The following NCOA6 variants were observed in gnomAD, a reference collection of about 807,000 sequenced individuals.
The protein encoded by NCOA6 is nuclear receptor coactivator 6.
In NCOA6, 49 loss-of-function variants were observed where a neutral mutation model predicts 171.4. The ratio of observed to expected loss-of-function variants is 0.29; its 90% CI spans 0.23 to 0.36. The LOEUF (loss-of-function observed/expected upper bound fraction) is 0.36. Ranked by LOEUF, NCOA6 falls within the 10% of genes least tolerant of loss-of-function variation. The probability of loss-of-function intolerance (pLI) is 1.00; values close to 1 mark genes in which losing one functional copy is unlikely to be tolerated. For synonymous variants in NCOA6, 910 were observed against 927.5 expected (o/e 0.98, Z 0.34); for missense variants, 2,248 against 2,554.5 (o/e 0.88, Z 2.59).
intron 1 of NCOA6, chr20:34,821,334 T>C (rs1482070756): frequency 1.3e-5 from 2 of 152,220 alleles, no homozygotes; most frequent in Non-Finnish European, 2.9e-5. Context: ...CAAAAACAGA[T>C]CGTGGGCCAG....
chr20:34,719,998 C>T (rs895673454), intron 14 of NCOA6, among the ~76,000 whole-genome samples: 1 of 152,200 alleles, frequency 6.6e-6, no homozygotes, highest in Non-Finnish European at 1.5e-5. Flanking sequence ...CTATCACCTA[C>T]TTTGTTGTCA....
At chr20:34,769,525 A>G (rs1273469319) in intron 4 of NCOA6, among the ~76,000 whole-genome samples, 1 of 151,884 alleles carries the variant, frequency 6.6e-6, no homozygotes, top group Non-Finnish European at 1.5e-5. Context: ...CACCACGCCC[A>G]GCTAATTTTT....
At chr20:34,806,961 T>C (rs1483243235) in intron 1 of NCOA6, among the ~76,000 whole-genome samples, 1 of 152,204 alleles carries the variant, frequency 6.6e-6, no homozygotes, top group Non-Finnish European at 1.5e-5. Flanking sequence ...ACTTGTAAAA[T>C]GGCCACCAAT....
intron 11 of NCOA6, among the ~76,000 whole-genome samples, chr20:34,738,653 A>AATT (rs1355491592): frequency 6.6e-6 from 1 of 152,226 alleles, no homozygotes; most frequent in East Asian, 1.9e-4. Context: ...AGAGAAGGGG[A>AATT]ATTAACCTTT....
chr20:34,825,432 C>A (rs1470200267), intron 1 of NCOA6, 40 bp downstream of exon 1: 4 of 149,344 alleles, frequency 2.7e-5, no homozygotes, highest in African/African-American at 9.7e-5. Context: ...GGACGCCCGG[C>A]GGGCCCACCC....
At chr20:34,743,411 A>T in intron 10 of NCOA6, 70 bp from the exon 11 acceptor site, 1 of 1,480,578 alleles carries the variant, frequency 6.8e-7, no homozygotes, top group Non-Finnish European at 9.1e-7. Flanking sequence ...TTTAGAGTAT[A>T]GCCAAGCAAT....
At chr20:34,819,238 A>G (rs1305282000) in intron 1 of NCOA6, 1 of 152,202 alleles carries the variant, frequency 6.6e-6, no homozygotes, top group African/African-American at 2.4e-5. Flanking sequence ...CTGCAGGGCC[A>G]TAAAAATAAA....
intron 1 of NCOA6, among the ~76,000 whole-genome samples, chr20:34,808,479 CT>C (rs2078537821): frequency 7.3e-6 from 1 of 137,406 alleles, no homozygotes; most frequent in South Asian, 2.3e-4. Flanking sequence ...GCTCTTGTTG[CT>C]CAGGCTGGAG....
chr20:34,756,794 T>A lies in NCOA6; in HGVS notation c.1528+426A>T, dbSNP rs531046652. Among the ~76,000 whole-genome samples, 6 of 152,362 alleles carry A rather than the reference T, an allele frequency of 3.9e-5. No individual in the cohort carries two copies. In the South Asian group the frequency reaches 1.2e-3, roughly 32 times the overall value. On this transcript the variant is annotated intron_variant, in intron 7 of 14. Coordinates refer to ENST00000359003, the MANE Select transcript of NCOA6 (RefSeq NM_014071.5). ...TGCTTACTATTTTATTAACTAGGAT[T>A]ATCAAAATTGATAACTAAAAGGGCC... is the stretch of plus-strand genomic sequence containing the variant.
At chr20:34,803,667 A>G (rs77258590) in intron 1 of NCOA6, among the ~76,000 whole-genome samples, 1 of 152,212 alleles carries the variant, frequency 6.6e-6, no homozygotes, top group Admixed American at 6.5e-5. Flanking sequence ...ACCTAATGAA[A>G]TAACTGATTT....
chr20:34,816,470 G>C (rs145395883), intron 1 of NCOA6, among the ~76,000 whole-genome samples: 3 of 152,288 alleles, frequency 2.0e-5, no homozygotes, highest in East Asian at 1.9e-4. Context: ...CAAAGATGGA[G>C]TGATGCAGCT....
intron 1 of NCOA6, among the ~76,000 whole-genome samples, chr20:34,795,977 T>C (rs957779294): frequency 1.2e-4 from 18 of 151,970 alleles, no homozygotes; most frequent in Admixed American, 3.9e-4. Context: ...CATGGTATTA[T>C]TGTTTCAACT....
chr20:34,763,826 G>C lies in NCOA6; in HGVS notation c.514+4638C>G, dbSNP rs575009738. Among the ~76,000 whole-genome samples the C allele has an allele frequency of 3.9e-5, 6 of 152,186 alleles. No homozygotes were observed. In the East Asian group the frequency reaches 1.2e-3, roughly 29 times the overall value. On this transcript the variant is annotated intron_variant, in intron 5 of 14. Coordinates refer to ENST00000359003, the MANE Select transcript of NCOA6 (RefSeq NM_014071.5). ...CATTAATTTCCCTATGCCAGAGAGT[G>C]ACATTTTCCTAATCTATCTTTCACT...
rs1450774153 is a variant in NCOA6, at chr20:34,742,805, G to A, written c.3451C>T (p.Pro1151Ser). 1 of 1,614,046 alleles carries A rather than the reference G, an allele frequency of 6.2e-7. No individual in the cohort carries two copies. The highest frequency in any genetic ancestry group is 1.3e-5 in the African/African-American group (1 of 74,906). ...TTCTGGGGAAGTACTACATGTGAAGGCATGTTGTTTGGGCCTCCTGGGACA... is the reference window on the plus strand; with the variant it reads ...TTCTGGGGAAGTACTACATGTGAAGACATGTTGTTTGGGCCTCCTGGGACA... ...PSVPGGPNNM[P>S]SHVVLPQNQL... Residue 1151 changes from proline (P) to serine (S), a missense_variant, in exon 11 of 15, where the codon CCT becomes TCT. Coordinates refer to ENST00000359003, the MANE Select transcript of NCOA6 (RefSeq NM_014071.5).
In NCOA6 at chr20:34,757,876, G is replaced by C; in HGVS notation, c.872C>G (p.Pro291Arg). The change falls in exon 7 of 15, where the codon CCA (proline) becomes CGA (arginine). Residue 291 changes from proline to arginine, a missense_variant. Transcript: ENST00000359003. Reference sequence around the variant, plus strand: ...TGGCTGTTGCTGCTGATGTTGCTGTGGGGGTCTTGCCTGCAACTGTTGTTG... The same window carrying C: ...TGGCTGTTGCTGCTGATGTTGCTGTCGGGGTCTTGCCTGCAACTGTTGTTG... ...QQQQQLQARP[P>R]QQHQQQQPQG... 1 of 1,613,920 alleles carries C rather than the reference G, an allele frequency of 6.2e-7. No individual in the cohort carries two copies. The highest frequency in any genetic ancestry group is 8.5e-7 in the Non-Finnish European group (1 of 1,179,974).
rs754825428 is a variant in NCOA6 at position 34,750,021 on chromosome 20, T to G, written c.2174A>C (p.Lys725Thr). 6.2e-7 allele frequency: 1 copy of G among 1,614,148 alleles called. No homozygotes were observed. Among genetic ancestry groups the G allele is most frequent in the Non-Finnish European group, 8.5e-7 (1 of 1,180,058 alleles). ...QIMTNQMQGN[K>T]QQFNTQNQSN... Reference sequence around the variant, plus strand: ...CTGGTTCTGAGTGTTAAACTGCTGCTTATTCCCCTGCATTTGATTGGTCAT... The same window carrying G: ...CTGGTTCTGAGTGTTAAACTGCTGCGTATTCCCCTGCATTTGATTGGTCAT... The change falls in exon 9 of 15, where the codon AAG (lysine) becomes ACG (threonine). Residue 725 changes from lysine (K) to threonine (T), a missense_variant. Transcript: ENST00000359003.
chr20:34,721,238 C>CAAAAAAAAAAAAAAAAAA lies in NCOA6; in HGVS notation c.6149-5891_6149-5874dup, dbSNP rs10531679. On this transcript the variant is annotated intron_variant, in intron 14 of 14. Transcript: ENST00000359003. ...CTCCCCTTCCCCTTCTTCCTCTATA[C>CAAAAAAAAAAAAAAAAAA]AAAAAAAAAAAAAAAAAAAAAAAAA... is the stretch of plus-strand genomic sequence containing the variant. Among the ~76,000 whole-genome samples, 25 of 66,048 alleles carry CAAAAAAAAAAAAAAAAAA rather than the reference C, an allele frequency of 3.8e-4. 1 individual carries two copies. The highest frequency in any genetic ancestry group is 1.5e-3 in the African/African-American group (23 of 15,724). 43.3% of individuals were successfully genotyped at this position (66,048 alleles called of 152,430 possible). A position where few individuals can be genotyped will look rare whatever the true frequency, so the allele number is the denominator to read the frequency against.
At position 34,795,881 on chromosome 20, in the gene NCOA6, T is replaced by C. The variant is rs1375481997; in HGVS notation, c.-163-3318A>G. Among the ~76,000 whole-genome samples, 7 of 152,184 alleles carry C rather than the reference T, an allele frequency of 4.6e-5. 1 individual carries two copies. Among genetic ancestry groups the C allele is most frequent in the African/African-American group, 1.7e-4 (7 of 41,434 alleles). Reference sequence around the variant, plus strand: ...CACAGGGTTATAAAGTGTCATTATGTCTGCAGCTTGTTTTCAAATTATTCA... The same window carrying C: ...CACAGGGTTATAAAGTGTCATTATGCCTGCAGCTTGTTTTCAAATTATTCA... On this transcript the variant is annotated intron_variant, in intron 1 of 14. Coordinates refer to ENST00000359003, the MANE Select transcript of NCOA6 (RefSeq NM_014071.5).
At chr20:34,754,602 T>C (rs911730617) in intron 8 of NCOA6, 120 bp downstream of exon 8, 10 of 1,193,246 alleles carry the variant, frequency 8.4e-6, no homozygotes, top group Admixed American at 4.7e-5. Context: ...TAATTATTTA[T>C]GGGCTTGAAA....
Sources: gnomAD v4.1 joint callset for allele counts (sites outside exome capture counted in the v4.1 genomes callset) on GRCh38, gnomAD v4.1.1 for gene constraint, MANE v1.5 for transcripts, NCBI Gene and HGNC (gene_info 2026-07-23, HGNC 2026-07-21) for gene names.